Variants in EXOC6 observed in about 807,000 individuals in gnomAD.
EXOC6 encodes the protein exocyst complex component 6.
EXOC6 carries 60 observed loss-of-function variants against 112.5 expected under a neutral mutation model. The ratio of observed to expected loss-of-function variants is 0.53; its 90% confidence interval spans 0.43 to 0.66. EXOC6 has a LOEUF of 0.66. Among genes scored for constraint, EXOC6 ranks in the 30% least tolerant of loss-of-function variants. EXOC6 has a pLI of 0.00. For synonymous variants in EXOC6, 295 were observed against 308.0 expected, an observed-to-expected ratio of 0.96 and a Z score of 0.44; for missense variants, 855 against 957.1, an observed-to-expected ratio of 0.89 and a Z score of 1.41.
chr10:92,948,573 C>CACTACCACTACTACTACT (rs1554900788), intron 14 of EXOC6, among the ~76,000 whole-genome samples, 194 bp downstream of exon 14: 1 of 140,174 alleles, frequency 7.1e-6, no homozygotes, highest in African/African-American at 2.7e-5. Flanking sequence ...CTACTACTAC[C>CACTACCACTACTACTACT]ACTACTACTA....
At position 92,981,974 on chromosome 10, in the gene EXOC6, G is replaced by A. The variant is rs138279351; in HGVS notation, c.1953+7742G>A. Among the ~76,000 whole-genome samples, 86 of 152,204 alleles carry A rather than the reference G, an allele frequency of 5.7e-4. 1 individual carries two copies. In the East Asian group the frequency reaches 0.015, roughly 27 times the overall value. On this transcript the variant is annotated intron_variant, in intron 18 of 21. Coordinates refer to ENST00000260762, the MANE Select transcript of EXOC6 (RefSeq NM_019053.6). Reference sequence around the variant, plus strand: ...GTACTAAAAATACAAACATTAGCCGGGCAGGGTGGCACATGCCTATAATCC... The same window carrying A: ...GTACTAAAAATACAAACATTAGCCGAGCAGGGTGGCACATGCCTATAATCC...
chr10:93,030,395 T>C (rs551596657), intron 20 of EXOC6, among the ~76,000 whole-genome samples: 5 of 152,314 alleles, frequency 3.3e-5, no homozygotes, highest in African/African-American at 1.2e-4. Flanking sequence ...AAAAATAATT[T>C]GAACTTCTAA....
At chr10:92,922,488 G>A (rs936137704) in intron 8 of EXOC6, among the ~76,000 whole-genome samples, 10 of 152,078 alleles carry the variant, frequency 6.6e-5, no homozygotes, top group African/African-American at 2.2e-4. Flanking sequence ...ATTATAAAAG[G>A]GTTACATTAA....
At chr10:92,827,679 C>T (rs566265996) in intron 1 of EXOC6, among the ~76,000 whole-genome samples, 1 of 152,136 alleles carries the variant, frequency 6.6e-6, no homozygotes, top group Non-Finnish European at 1.5e-5. Context: ...GGCATCACCT[C>T]TGACCCTTAA....
intron 20 of EXOC6, among the ~76,000 whole-genome samples, chr10:93,035,832 A>G (rs947563076): frequency 6.6e-6 from 1 of 151,090 alleles, no homozygotes; most frequent in African/African-American, 2.4e-5. Context: ...TCCAGCCTGG[A>G]TGACAGATCA....
At chr10:92,843,515 G>A (rs1264384854), upstream of EXOC6, among the ~76,000 whole-genome samples, 7 of 152,210 alleles carry the variant, frequency 4.6e-5, no homozygotes, top group Admixed American at 4.6e-4. Flanking sequence ...TCCCAGGGGT[G>A]AGGAGGGGAA....
intron 13 of EXOC6, among the ~76,000 whole-genome samples, chr10:92,942,457 A>G (rs928455829): frequency 1.3e-5 from 2 of 152,160 alleles, no homozygotes; most frequent in African/African-American, 2.4e-5. Context: ...AAAATCAACT[A>G]AACAAATCCT....
At chr10:92,828,115 G>C (rs191382910) in intron 1 of EXOC6, among the ~76,000 whole-genome samples, 1 of 152,090 alleles carries the variant, frequency 6.6e-6, no homozygotes, top group Non-Finnish European at 1.5e-5. Flanking sequence ...CATTAACTCT[G>C]TTTGTTGATC....
In EXOC6 at chr10:92,915,827, T is replaced by C. The variant is rs1381937109; in HGVS notation, c.733T>C (p.Tyr245His). Residue 245 changes from tyrosine to histidine, a missense_variant, in exon 7 of 22, where the codon TAT becomes CAT. Around this residue, in one of 2 missense-constraint regions of EXOC6, gnomAD observed 405 missense variants for 393.6 expected, o/e 1.03. Transcript: ENST00000260762. ...TAAAATGAAATTTGGGAAAAATATG[T>C]ATATAAATCGTGATAGAATTCCAGA... ...QNKMKFGKNM[Y>H]INRDRIPEER... 3 of 1,536,430 alleles carry C rather than the reference T, an allele frequency of 2.0e-6. No homozygotes were observed. Among genetic ancestry groups the C allele is most frequent in the Non-Finnish European group, 2.6e-6 (3 of 1,150,470 alleles).
At chr10:92,958,807 G>A (rs1444017227) in intron 17 of EXOC6, among the ~76,000 whole-genome samples, 2 of 152,140 alleles carry the variant, frequency 1.3e-5, no homozygotes, top group Admixed American at 1.3e-4. Context: ...TAAAGCTGTA[G>A]TAATGAGGCT....
At chr10:92,880,534 A>G (rs1055772977) in intron 1 of EXOC6, among the ~76,000 whole-genome samples, 2 of 152,196 alleles carry the variant, frequency 1.3e-5, no homozygotes, top group African/African-American at 4.8e-5. Flanking sequence ...TGTGAATTGA[A>G]TGTAGAAATA....
chr10:92,955,457 C>G (rs1589906646), intron 16 of EXOC6, 123 bp from the exon 17 acceptor site: 2 of 740,356 alleles, frequency 2.7e-6, no homozygotes, highest in Non-Finnish European at 4.6e-6. Context: ...TAGTTGTATC[C>G]TATAATGCTG....
chr10:93,012,895 AT>A (rs1844320704), intron 19 of EXOC6, among the ~76,000 whole-genome samples: 1 of 152,128 alleles, frequency 6.6e-6, no homozygotes, highest in South Asian at 2.1e-4. Flanking sequence ...AAACAAAAAA[AT>A]CATTAGCCAA....
intron 13 of EXOC6, 44 bp from the exon 14 acceptor site, chr10:92,948,224 CTAATAA>C (rs1451696324): frequency 1.6e-6 from 2 of 1,221,282 alleles, no homozygotes; most frequent in South Asian, 2.7e-5. Context: ...TTTTAGTACT[CTAATAA>C]TATGCTTTGT....
chr10:92,856,208 T>C (rs1847594093), intron 1 of EXOC6, among the ~76,000 whole-genome samples: 1 of 151,914 alleles, frequency 6.6e-6, no homozygotes, highest in Admixed American at 6.6e-5. Context: ...CTAATCTTTA[T>C]TACTTTCTTT....
chr10:92,933,860 A>G (rs1852198690), intron 9 of EXOC6, among the ~76,000 whole-genome samples: 1 of 152,156 alleles, frequency 6.6e-6, no homozygotes, highest in South Asian at 2.1e-4. Context: ...AGGATGGTAT[A>G]ATACATAGTC....
At chr10:92,955,753 C>G in intron 17 of EXOC6, 39 bp downstream of exon 17, 1 of 1,573,400 alleles carries the variant, frequency 6.4e-7, no homozygotes, top group Non-Finnish European at 8.6e-7. Context: ...ATTTCAGTCA[C>G]TGTAAGCAGA....
rs531958382 is a variant in EXOC6, at chr10:92,918,321, G to A, written c.820-1661G>A. 2.0e-5 allele frequency among the ~76,000 whole-genome samples: 3 copies of A among 151,814 alleles called. No individual in the cohort carries two copies. In the South Asian group the frequency reaches 6.2e-4, roughly 32 times the overall value. Reference sequence around the variant, plus strand: ...AATTCTTTTTCTAAGGACATAATTGGGATGCAGTAAGAATTTTTAGTTGAA... The same window carrying A: ...AATTCTTTTTCTAAGGACATAATTGAGATGCAGTAAGAATTTTTAGTTGAA... On this transcript the variant is annotated intron_variant, in intron 7 of 21. Coordinates refer to ENST00000260762, the MANE Select transcript of EXOC6 (RefSeq NM_019053.6).
chr10:93,039,434 C>G (rs1223039385), intron 20 of EXOC6, among the ~76,000 whole-genome samples: 3 of 152,112 alleles, frequency 2.0e-5, no homozygotes, highest in Admixed American at 6.5e-5. Flanking sequence ...GAAGGGACTT[C>G]CAAAAATCTA....
Sources: gnomAD v4.1 joint callset for allele counts (sites outside exome capture counted in the v4.1 genomes callset) on GRCh38, gnomAD v4.1.1 for gene constraint, gnomAD v4.1.1 regional missense constraint, MANE v1.5 for transcripts, NCBI Gene and HGNC (gene_info 2026-07-23, HGNC 2026-07-21) for gene names.